SGSM1: variants seen among roughly 807,000 people sequenced by gnomAD.
SGSM1 encodes RUN and TBC1 domain containing 2.
In SGSM1, 73 loss-of-function variants were observed where a neutral mutation model predicts 133.8. That is an observed-to-expected ratio of 0.55 (90% CI 0.45 to 0.66). The LOEUF is 0.66. SGSM1 is among the 30% of genes least tolerant of loss of function. The probability of loss-of-function intolerance (pLI) is 0.00; values close to 1 mark genes in which losing one functional copy is unlikely to be tolerated. For synonymous variants in SGSM1, 563 were observed against 573.0 expected, an observed-to-expected ratio of 0.98 and a Z score of 0.25; for missense variants, 1,213 against 1,448.1, an observed-to-expected ratio of 0.84 and a Z score of 2.64.
chr22:24,857,929 G>C (rs1391812353), intron 8 of SGSM1, among the ~76,000 whole-genome samples: 1 of 152,122 alleles, frequency 6.6e-6, no homozygotes, highest in Non-Finnish European at 1.5e-5. Flanking sequence ...AGGAGCACAG[G>C]AAGTGCAGCA....
At chr22:24,856,151 G>C (rs1930775142) in intron 8 of SGSM1, 1 of 342,842 alleles carries the variant, frequency 2.9e-6, no homozygotes, top group South Asian at 2.3e-5. Context: ...TCACTTCATT[G>C]ATTCAGCAAA....
intron 24 of SGSM1, among the ~76,000 whole-genome samples, chr22:24,920,739 T>G (rs1268100914): frequency 6.6e-6 from 1 of 152,266 alleles, no homozygotes; most frequent in East Asian, 1.9e-4. Context: ...GTTCTTAATT[T>G]AAGTAAACTT....
chr22:24,890,882 A>G (rs966423203), intron 16 of SGSM1, among the ~76,000 whole-genome samples: 2 of 152,150 alleles, frequency 1.3e-5, no homozygotes, highest in Non-Finnish European at 2.9e-5. Context: ...TTCGTGTATC[A>G]CTTGTACTAT....
At position 24,889,710 on chromosome 22, in the gene SGSM1, C is replaced by T. The variant is rs1328139893; in HGVS notation, c.1770+2982C>T. On this transcript the variant is annotated intron_variant, in intron 16 of 24. Transcript: ENST00000400358. ...TGTCGCCCAGGCTGGAATGCAGTGG[C>T]GCGATCTCGGCTCACTGCAAGCTCT... Among the ~76,000 whole-genome samples the T allele has an allele frequency of 3.4e-5, 5 of 146,602 alleles. No homozygotes were observed. In the East Asian group the frequency reaches 8.0e-4, roughly 23 times the overall value.
At chr22:24,831,863 A>G (rs549876238) in intron 2 of SGSM1, among the ~76,000 whole-genome samples, 3 of 152,338 alleles carry the variant, frequency 2.0e-5, no homozygotes, top group Non-Finnish European at 2.9e-5. Flanking sequence ...GAATCAACAC[A>G]TCAGTGTTGT....
At chr22:24,855,963 A>G in intron 8 of SGSM1, 4 of 602,032 alleles carry the variant, frequency 6.6e-6, no homozygotes, top group East Asian at 3.5e-5. Flanking sequence ...CCATCTTTAC[A>G]TTCACCCATC....
At chr22:24,895,127 G>C in intron 17 of SGSM1, 96 bp from the exon 18 acceptor site, 1 of 1,216,562 alleles carries the variant, frequency 8.2e-7, no homozygotes, top group Non-Finnish European at 1.2e-6. Context: ...GAATAGAGAT[G>C]CAACTAGACT....
chr22:24,898,088 T>C lies in SGSM1; in HGVS notation c.2139T>C (p.Gly713=). 6.2e-7 allele frequency: 1 copy of C among 1,613,492 alleles called. No individual in the cohort carries two copies. Among genetic ancestry groups the C allele is most frequent in the Non-Finnish European group, 8.5e-7 (1 of 1,179,794 alleles). ...LVNGTCSPDS[G]HPSSHNFSSG... ...ACGGCACTTGTTCCCCAGACTCGGG[T>C]CATCCTTCCTCCCATAACTTCTCCT... The change falls in exon 19 of 25, where the codon GGT becomes GGC. Residue 713 remains glycine, a synonymous_variant. Coordinates refer to ENST00000400358, the MANE Select transcript of SGSM1 (RefSeq NM_001098497.3).
Position 24,806,255 on chromosome 22 carries a change from C to T in SGSM1, c.-71C>T. The T allele has an allele frequency of 7.4e-7, 1 of 1,349,674 alleles. No individual in the cohort carries two copies. Among genetic ancestry groups the T allele is most frequent in the South Asian group, 1.9e-5 (1 of 53,194 alleles). 83.6% of individuals were successfully genotyped at this position (1,349,674 alleles called of 1,614,324 possible). ...CCCGCCGCGGCTGCAGCAGCAGCGC[C>T]GCGGCCGGAGGAGCTACCGCCGCCA... is the stretch of plus-strand genomic sequence containing the variant. On this transcript the variant is annotated 5_prime_UTR_variant, in exon 1 of 25. Coordinates refer to ENST00000400358, the MANE Select transcript of SGSM1 (RefSeq NM_001098497.3).
In SGSM1 at chr22:24,806,402, C is replaced by G. The variant is rs576948288; in HGVS notation, c.20-39C>G. 115 of 1,521,092 alleles carry G rather than the reference C, an allele frequency of 7.6e-5. No individual in the cohort carries two copies. The South Asian group carries it at 1.2e-3, about 16-fold the overall frequency. The allele number at this position is 1,521,092 out of a possible 1,614,324, so 94.2% of individuals were successfully genotyped here. A position where few individuals can be genotyped will look rare whatever the true frequency, so the allele number is the denominator to read the frequency against. On this transcript the variant is annotated intron_variant, in intron 1 of 24. Coordinates refer to ENST00000400358, the MANE Select transcript of SGSM1 (RefSeq NM_001098497.3). ...GGGCAGCGCCCGGCCCCCGCACCCT[C>G]TCTCGGCTGACCCGCGGCTCTCGTT...
intron 2 of SGSM1, among the ~76,000 whole-genome samples, chr22:24,831,498 G>A (rs929106866): frequency 4.6e-5 from 7 of 152,174 alleles, no homozygotes; most frequent in Admixed American, 4.6e-4. Context: ...GCTGACAGCT[G>A]AGGGTCTTTG....
intron 9 of SGSM1, 111 bp downstream of exon 9, chr22:24,859,951 C>G (rs982986497): frequency 1.4e-6 from 2 of 1,450,900 alleles, no homozygotes; most frequent in African/African-American, 2.8e-5. Flanking sequence ...CTTCTGCCCC[C>G]TCCTCTGCCT....
intron 23 of SGSM1, among the ~76,000 whole-genome samples, chr22:24,918,683 G>A (rs1412530840): frequency 6.6e-6 from 1 of 152,026 alleles, no homozygotes; most frequent in Admixed American, 6.6e-5. Context: ...GATGGAGGAA[G>A]GAAGGATTCA....
intron 2 of SGSM1, among the ~76,000 whole-genome samples, chr22:24,819,039 G>C (rs1160342242): frequency 6.6e-6 from 1 of 151,674 alleles, no homozygotes; most frequent in Non-Finnish European, 1.5e-5. Flanking sequence ...CCAGCTACTC[G>C]GGAGGCTGAG....
At chr22:24,822,634 T>C (rs1928550279) in intron 2 of SGSM1, among the ~76,000 whole-genome samples, 1 of 152,170 alleles carries the variant, frequency 6.6e-6, no homozygotes, top group African/African-American at 2.4e-5. Context: ...AGAGGTGTAC[T>C]GTGAAAAATG....
chr22:24,893,226 TAAG>T (rs934446531), intron 16 of SGSM1, among the ~76,000 whole-genome samples: 3 of 151,798 alleles, frequency 2.0e-5, no homozygotes, highest in Non-Finnish European at 4.4e-5. Flanking sequence ...AGGAGGGAAA[TAAG>T]GAAAGAAGTA....
At chr22:24,815,352 C>T (rs1201590532) in intron 2 of SGSM1, among the ~76,000 whole-genome samples, 5 of 152,004 alleles carry the variant, frequency 3.3e-5, no homozygotes, top group Non-Finnish European at 5.9e-5. Context: ...GTCCCGCAGC[C>T]GAAGAGATGG....
At chr22:24,825,974 C>T (rs1029297344) in intron 2 of SGSM1, among the ~76,000 whole-genome samples, 1 of 152,038 alleles carries the variant, frequency 6.6e-6, no homozygotes, top group Non-Finnish European at 1.5e-5. Context: ...GGACAGCTGG[C>T]CCGGGTGATT....
At chr22:24,834,343 GCAGGGTTGGCC>G (rs1308279438) in intron 2 of SGSM1, among the ~76,000 whole-genome samples, 2 of 152,230 alleles carry the variant, frequency 1.3e-5, no homozygotes, top group Non-Finnish European at 2.9e-5. Flanking sequence ...ACATTCTTGT[GCAGGGTTGGCC>G]CTCGGGCCAA....
Sources: allele counts gnomAD v4.1 joint callset (sites outside exome capture counted in the v4.1 genomes callset), GRCh38; gene constraint gnomAD v4.1.1; transcripts MANE v1.5; gene names NCBI Gene and HGNC (gene_info 2026-07-23, HGNC 2026-07-21).